The following TSPAN9 variants were observed in gnomAD, a reference collection of about 807,000 sequenced individuals.
TSPAN9 encodes tetraspanin 9.
Under a neutral mutation model 31.0 loss-of-function variants are expected in TSPAN9, and 16 were observed. That is an observed-to-expected ratio of 0.52 (90% CI 0.35 to 0.78). The LOEUF (loss-of-function observed/expected upper bound fraction) is 0.78, where lower values mean the gene tolerates loss of function less well. Ranked by LOEUF, TSPAN9 falls within the 30% of genes least tolerant of loss-of-function variation. The pLI, the probability that TSPAN9 is intolerant of heterozygous loss-of-function variation, is 0.01. For synonymous variants in TSPAN9, 145 were observed against 121.6 expected (o/e 1.19, Z -1.27); for missense variants, 272 against 312.5 (o/e 0.87, Z 0.98).
intron 2 of TSPAN9, chr12:3,200,909 A>C: frequency 8.7e-6 from 3 of 345,576 alleles, no homozygotes; most frequent in Non-Finnish European, 1.6e-5. Context: ...ACCCCCCGGG[A>C]ACGCCGCGAG....
At position 3,286,179 on chromosome 12, in the gene TSPAN9, G is replaced by A. The variant is rs71577850; in HGVS notation, c.*3063G>A. 9.4e-3 allele frequency: 1,432 copies of A among 152,968 alleles called. 14 individuals carry two copies. Among genetic ancestry groups the A allele is most frequent in the Admixed American group, 0.016 (250 of 15,308 alleles). The allele number at this position is 152,968 out of a possible 1,614,324, so 9.5% of individuals were successfully genotyped here. On this transcript the variant is annotated 3_prime_UTR_variant, in exon 9 of 9. Coordinates refer to ENST00000011898, the MANE Select transcript of TSPAN9 (RefSeq NM_006675.5). The surrounding 1 kb of genome is among the most constrained non-coding windows in gnomAD (Gnocchi z 4.1). The stretch of plus-strand genomic sequence containing the variant: ...GCTAACTAGCAGGGACGTGGCATAG[G>A]ATGGGAGCTGGGCGTGAGGTGCTTG...
chr12:3,192,794 TGAG>T lies in TSPAN9; in HGVS notation c.-17-8369_-17-8367del, dbSNP rs1200009528. 2.6e-5 allele frequency among the ~76,000 whole-genome samples: 4 copies of T among 151,964 alleles called. No individual in the cohort carries two copies. Among genetic ancestry groups the T allele is most frequent in the African/African-American group, 9.7e-5 (4 of 41,380 alleles). On this transcript the variant is annotated intron_variant, in intron 2 of 8. Coordinates refer to ENST00000011898, the MANE Select transcript of TSPAN9 (RefSeq NM_006675.5). This position sits in a 1 kb window ranked among gnomAD's most constrained non-coding sequence, Gnocchi z 4.6. ...GAGGGCTCAGAGCTGAGGGCCTCCC[TGAG>T]GAGGAGGAGGAGGGCAGCCAGCATT...
In TSPAN9 at chr12:3,147,096, C is replaced by A. The variant is rs1309092131; in HGVS notation, c.-17-54081C>A. 1.3e-5 allele frequency among the ~76,000 whole-genome samples: 2 copies of A among 151,202 alleles called. No homozygotes were observed. The highest frequency in any genetic ancestry group is 3.0e-5 in the Non-Finnish European group (2 of 67,614). On this transcript the variant is annotated intron_variant, in intron 2 of 8. Coordinates refer to ENST00000011898, the MANE Select transcript of TSPAN9 (RefSeq NM_006675.5). The surrounding 1 kb of genome is among the most constrained non-coding windows in gnomAD (Gnocchi z 4.3). ...GTTTGATTAAAACTAGCATTCTCTC[C>A]CCTTTTCTCCTTACTTCCTTTCTGC...
chr12:3,208,259 G>C (rs997615000), intron 3 of TSPAN9, among the ~76,000 whole-genome samples: 5 of 152,170 alleles, frequency 3.3e-5, no homozygotes, highest in African/African-American at 1.2e-4. Flanking sequence ...CTCGGGCTGG[G>C]GATTGCTCTG....
intron 2 of TSPAN9, among the ~76,000 whole-genome samples, chr12:3,156,672 T>C (rs1193459698): frequency 2.0e-5 from 3 of 151,944 alleles, no homozygotes; most frequent in Admixed American, 6.6e-5. Context: ...CACAACTGGC[T>C]AATTTTTGTA....
chr12:3,185,564 C>T (rs898433813), intron 2 of TSPAN9, among the ~76,000 whole-genome samples: 8 of 152,286 alleles, frequency 5.3e-5, no homozygotes, highest in Middle Eastern at 3.4e-3. Context: ...CCCTTCGGAG[C>T]GCCTCAGGTC....
At chr12:3,171,996 G>A (rs1041973263) in intron 2 of TSPAN9, 5 of 152,180 alleles carry the variant, frequency 3.3e-5, no homozygotes, top group East Asian at 1.9e-4. Context: ...TGGTCCCCAC[G>A]GTGTCAGGTA....
At chr12:3,138,926 C>T (rs2153967563) in intron 2 of TSPAN9, among the ~76,000 whole-genome samples, 1 of 152,314 alleles carries the variant, frequency 6.6e-6, no homozygotes, top group Admixed American at 6.5e-5. Context: ...AGCCCGTGCT[C>T]TGTTCTTCTC....
chr12:3,122,140 C>T (rs2098325407), intron 2 of TSPAN9, among the ~76,000 whole-genome samples: 1 of 152,018 alleles, frequency 6.6e-6, no homozygotes, highest in South Asian at 2.1e-4. Context: ...TCGAGACCAT[C>T]CTAGCTAACA....
chr12:3,101,552 A>C (rs2098311846), intron 2 of TSPAN9, among the ~76,000 whole-genome samples: 1 of 152,060 alleles, frequency 6.6e-6, no homozygotes, highest in Non-Finnish European at 1.5e-5. Flanking sequence ...CAGAAAACAC[A>C]CCTGGAATGT....
At chr12:3,222,823 G>A (rs77544708) in intron 3 of TSPAN9, among the ~76,000 whole-genome samples, 86 of 152,304 alleles carry the variant, frequency 5.6e-4, no homozygotes, top group Non-Finnish European at 9.1e-4. Flanking sequence ...CCACCCCCCA[G>A]GTCCCACCCT....
rs115235183 is a variant in TSPAN9, at chr12:3,147,392, C to T, written c.-17-53785C>T. 7.7e-3 allele frequency among the ~76,000 whole-genome samples: 1,179 copies of T among 152,314 alleles called. 18 individuals are homozygous for T. The highest frequency in any genetic ancestry group is 0.027 in the Admixed American group (406 of 15,310). ...TGAGTGTTGGGGCCCGGGAGACCCT[C>T]GCCGAGGAGCAAGGTTGGTGGTGGG... On this transcript the variant is annotated intron_variant, in intron 2 of 8. Coordinates refer to ENST00000011898, the MANE Select transcript of TSPAN9 (RefSeq NM_006675.5). The surrounding 1 kb of genome is among the most constrained non-coding windows in gnomAD (Gnocchi z 4.3).
intron 3 of TSPAN9, among the ~76,000 whole-genome samples, chr12:3,262,451 C>A (rs1011272267): frequency 6.6e-6 from 1 of 150,848 alleles, no homozygotes; most frequent in Non-Finnish European, 1.5e-5. Context: ...GTGTAGTAAT[C>A]GTTTCTTTTT....
intron 2 of TSPAN9, among the ~76,000 whole-genome samples, chr12:3,159,078 A>G (rs1036187252): frequency 6.6e-6 from 1 of 151,818 alleles, no homozygotes; most frequent in Non-Finnish European, 1.5e-5. Context: ...GCCTATTTAC[A>G]CTTTTATTGT....
chr12:3,141,400 G>A (rs1449334374), intron 2 of TSPAN9, among the ~76,000 whole-genome samples: 1 of 152,112 alleles, frequency 6.6e-6, no homozygotes, highest in Non-Finnish European at 1.5e-5. Flanking sequence ...ATGGCTATCC[G>A]GCCGGCCTCT....
At chr12:3,270,037 G>A (rs1030807722) in intron 3 of TSPAN9, among the ~76,000 whole-genome samples, 18 of 152,228 alleles carry the variant, frequency 1.2e-4, no homozygotes, top group Admixed American at 1.1e-3. Flanking sequence ...TGGCATCCCG[G>A]CCACACGTCA....
intron 2 of TSPAN9, among the ~76,000 whole-genome samples, chr12:3,142,394 T>C (rs657463): frequency 0.69 from 105,547 of 152,022 alleles, 36,725 homozygotes; most frequent in South Asian, 0.79. Flanking sequence ...GGCCCCCTCC[T>C]CGCCTCTCGC....
intron 2 of TSPAN9, among the ~76,000 whole-genome samples, chr12:3,100,459 T>G (rs2098311382): frequency 6.6e-6 from 1 of 152,248 alleles, no homozygotes; most frequent in South Asian, 2.1e-4. Flanking sequence ...GGAAGCTGCC[T>G]CCAGGAAGTA....
intron 3 of TSPAN9, among the ~76,000 whole-genome samples, chr12:3,223,785 C>T (rs1294123179): frequency 6.6e-6 from 1 of 152,194 alleles, no homozygotes; most frequent in Admixed American, 6.5e-5. Flanking sequence ...GTGGCGGCGG[C>T]AGCTTGTTAG....
Sources: gnomAD v4.1 joint callset for allele counts (sites outside exome capture counted in the v4.1 genomes callset) on GRCh38, gnomAD v4.1.1 for gene constraint, Gnocchi (gnomAD v3.1) non-coding constraint, MANE v1.5 for transcripts, NCBI Gene and HGNC (gene_info 2026-07-23, HGNC 2026-07-21) for gene names.